The following CEP128 variants were observed in gnomAD, a reference collection of about 807,000 sequenced individuals.
The protein encoded by CEP128 is centrosomal protein 128kDa.
CEP128 carries 132 observed loss-of-function variants against 156.7 expected under a neutral mutation model. The ratio of observed to expected loss-of-function variants is 0.84; its 90% CI spans 0.73 to 0.97. The LOEUF (loss-of-function observed/expected upper bound fraction) is 0.97, where lower values mean the gene tolerates loss of function less well. Ranked by LOEUF, CEP128 falls within the 50% of genes least tolerant of loss-of-function variation. The pLI is 0.00. For missense variants in CEP128, 1,252 were observed against 1,281.9 expected (o/e 0.98, Z 0.36); for synonymous variants, 469 against 448.9 (o/e 1.04, Z -0.57).
intron 8 of CEP128, 83 bp from the exon 9 acceptor site, chr14:80,862,956 A>T: frequency 1.1e-6 from 1 of 906,908 alleles, no homozygotes; most frequent in East Asian, 2.4e-5. Flanking sequence ...TTTATAGCAG[A>T]TACACTACTG....
rs560667661 is a variant in CEP128, at chr14:80,666,093, A to G, written c.2806+76982T>C. ...AACCACCAGGGTAGTTAATTTTACA[A>G]CTCTATTAAGCTGGTTCAATCAAGT... is the stretch of plus-strand genomic sequence containing the variant. On this transcript the variant is annotated intron_variant, in intron 19 of 24. Transcript: ENST00000555265. 3.3e-5 allele frequency among the ~76,000 whole-genome samples: 5 copies of G among 152,256 alleles called. No individual in the cohort carries two copies. In the South Asian group the frequency reaches 1.0e-3, roughly 32 times the overall value.
intron 19 of CEP128, among the ~76,000 whole-genome samples, chr14:80,616,409 G>A (rs149151090): frequency 5.3e-5 from 8 of 152,274 alleles, no homozygotes; most frequent in African/African-American, 1.9e-4. Context: ...CAGGGGAGGA[G>A]ACAAGCTGGG....
At chr14:80,859,569 T>A (rs958351255) in intron 9 of CEP128, among the ~76,000 whole-genome samples, 9 of 147,318 alleles carry the variant, frequency 6.1e-5, no homozygotes, top group East Asian at 1.9e-4. Flanking sequence ...AATTAATTTT[T>A]AAAAAAAAGA....
At chr14:80,664,859 G>A (rs1895547842) in intron 19 of CEP128, among the ~76,000 whole-genome samples, 1 of 152,160 alleles carries the variant, frequency 6.6e-6, no homozygotes, top group Non-Finnish European at 1.5e-5. Flanking sequence ...TCTAAAACCT[G>A]AGAACAGAGT....
intron 9 of CEP128, among the ~76,000 whole-genome samples, chr14:80,861,431 A>C (rs144924498): frequency 1.3e-5 from 2 of 152,238 alleles, no homozygotes; most frequent in East Asian, 3.9e-4. Context: ...TTCAGTTTTC[A>C]CCAGTAATGT....
chr14:80,692,178 T>C (rs571461429), intron 19 of CEP128, among the ~76,000 whole-genome samples: 3 of 152,298 alleles, frequency 2.0e-5, no homozygotes, highest in Non-Finnish European at 4.4e-5. Context: ...TGGATCAGCA[T>C]ATTGTTAAAC....
chr14:80,752,957 C>T (rs1320857695), intron 18 of CEP128, among the ~76,000 whole-genome samples: 1 of 152,116 alleles, frequency 6.6e-6, no homozygotes, highest in Non-Finnish European at 1.5e-5. Flanking sequence ...TATCAAACAA[C>T]ACAATATAAA....
intron 19 of CEP128, among the ~76,000 whole-genome samples, chr14:80,651,172 C>T (rs1377110327): frequency 6.6e-6 from 1 of 152,040 alleles, no homozygotes; most frequent in Non-Finnish European, 1.5e-5. Context: ...GGAACTTTTC[C>T]ATTTCTTCTA....
At chr14:80,775,867 C>T (rs1177033829) in intron 16 of CEP128, among the ~76,000 whole-genome samples, 1 of 152,216 alleles carries the variant, frequency 6.6e-6, no homozygotes, top group East Asian at 1.9e-4. Context: ...GAGTCTCGCG[C>T]TGTCGCCCAG....
intron 20 of CEP128, among the ~76,000 whole-genome samples, chr14:80,570,246 T>G (rs1891081577): frequency 6.6e-6 from 1 of 152,054 alleles, no homozygotes; most frequent in African/African-American, 2.4e-5. Context: ...GCCTCCTGAG[T>G]AGCTGGGACT....
intron 19 of CEP128, among the ~76,000 whole-genome samples, chr14:80,584,099 C>T (rs1320261503): frequency 1.3e-5 from 2 of 150,820 alleles, no homozygotes; most frequent in African/African-American, 4.9e-5. Context: ...CTGTATTCTT[C>T]TGACCTGCTT....
rs777749338 is a variant in CEP128 at position 80,939,406 on chromosome 14, G to A, written c.-37C>T. The A allele has an allele frequency of 3.3e-5, 5 of 152,108 alleles. No homozygotes were observed. The highest frequency in any genetic ancestry group is 2.6e-4 in the Admixed American group (4 of 15,274). 9.4% of individuals were successfully genotyped at this position (152,108 alleles called of 1,614,324 possible). On this transcript the variant is annotated 5_prime_UTR_variant, in exon 2 of 25. Coordinates refer to ENST00000555265, the MANE Select transcript of CEP128 (RefSeq NM_152446.5). ...TTACAAAGCACACCCCCAAAACTCC[G>A]AGTTGCTCTTCTCTGAGCTCAACGC...
chr14:80,904,215 T>G (rs1020052955), intron 6 of CEP128, among the ~76,000 whole-genome samples: 2 of 152,118 alleles, frequency 1.3e-5, no homozygotes, highest in African/African-American at 4.8e-5. Flanking sequence ...GAAGACATTA[T>G]GTTAAGTAAA....
intron 19 of CEP128, among the ~76,000 whole-genome samples, chr14:80,615,281 G>C (rs1347759325): frequency 6.6e-6 from 1 of 152,128 alleles, no homozygotes; most frequent in Non-Finnish European, 1.5e-5. Flanking sequence ...AACATAGAGA[G>C]CTTGGCATTA....
intron 2 of CEP128, among the ~76,000 whole-genome samples, chr14:80,929,950 G>A (rs1885363419): frequency 6.6e-6 from 1 of 152,204 alleles, no homozygotes; most frequent in Admixed American, 6.5e-5. Flanking sequence ...GCGGGTGGGT[G>A]AGCAAAGTTT....
intron 1 of CEP128, chr14:80,958,382 G>A (rs1886823260): frequency 6.6e-6 from 1 of 152,206 alleles, no homozygotes; most frequent in South Asian, 2.1e-4. Flanking sequence ...CAACTATGGA[G>A]CCTGCACCCT....
At chr14:80,930,846 A>C (rs1874857488) in intron 2 of CEP128, among the ~76,000 whole-genome samples, 1 of 152,248 alleles carries the variant, frequency 6.6e-6, no homozygotes, top group Non-Finnish European at 1.5e-5. Context: ...AAAGCTAAGA[A>C]GTCCTTTACT....
chr14:80,482,687 G>A (rs1375042254), intron 14 of CEP128, among the ~76,000 whole-genome samples: 1 of 152,114 alleles, frequency 6.6e-6, no homozygotes, highest in Non-Finnish European at 1.5e-5. Flanking sequence ...GCCGAACCTT[G>A]GGAAGCTCAA....
intron 8 of CEP128, among the ~76,000 whole-genome samples, chr14:80,868,329 G>A (rs1449172240): frequency 6.6e-6 from 1 of 152,036 alleles, no homozygotes; most frequent in African/African-American, 2.4e-5. Flanking sequence ...AATTTTAATG[G>A]ATACACAATA....
Sources: allele counts gnomAD v4.1 joint callset (sites outside exome capture counted in the v4.1 genomes callset), GRCh38; gene constraint gnomAD v4.1.1; transcripts MANE v1.5; gene names NCBI Gene and HGNC (gene_info 2026-07-23, HGNC 2026-07-21).